Variants in SH3GL1 observed in about 807,000 individuals in gnomAD.
SH3GL1 encodes SH3 domain containing GRB2 like 1, endophilin A2.
A neutral mutation model predicts 48.8 loss-of-function variants in SH3GL1; 21 were observed. That is an observed-to-expected ratio of 0.43 (90% CI 0.30 to 0.62). The LOEUF (loss-of-function observed/expected upper bound fraction) is 0.62, where lower values mean the gene tolerates loss of function less well. Among genes scored for constraint, SH3GL1 ranks in the 20% least tolerant of loss-of-function variants. SH3GL1 has a pLI of 0.11. For missense variants in SH3GL1, 454 were observed against 503.0 expected, an observed-to-expected ratio of 0.90 and a Z score of 0.93; for synonymous variants, 282 against 217.5, an observed-to-expected ratio of 1.30 and a Z score of -2.61.
At position 4,376,895 on chromosome 19, in the gene SH3GL1, G is replaced by A. The variant is rs939861477; in HGVS notation, c.46-9901C>T. ...TTAGCGCCCTAGAATAAAGGACCCC[G>A]GGCAACCTCTTGGGGGTCCTCGCCA... is the stretch of plus-strand genomic sequence containing the variant. On this transcript the variant is annotated intron_variant, in intron 1 of 9. Coordinates refer to ENST00000269886, the MANE Select transcript of SH3GL1 (RefSeq NM_003025.4). This position sits in a 1 kb window ranked among gnomAD's most constrained non-coding sequence, Gnocchi z 4.3. Among the ~76,000 whole-genome samples, 8 of 152,276 alleles carry A rather than the reference G, an allele frequency of 5.3e-5. No individual in the cohort carries two copies. The highest frequency in any genetic ancestry group is 1.9e-4 in the African/African-American group (8 of 41,550).
chr19:4,365,348 T>C, intron 4 of SH3GL1, 134 bp downstream of exon 4: 1 of 1,231,366 alleles, frequency 8.1e-7, no homozygotes, highest in Non-Finnish European at 1.2e-6. Flanking sequence ...CTCCTGCACC[T>C]CTGCAGCTGG....
chr19:4,370,547 G>T (rs1972878247), intron 1 of SH3GL1, among the ~76,000 whole-genome samples: 1 of 152,190 alleles, frequency 6.6e-6, no homozygotes. Context: ...GGCCCCACCT[G>T]GACGGGGTCA....
At position 4,361,634 on chromosome 19, in the gene SH3GL1, C is replaced by T. The variant is rs1181319143; in HGVS notation, c.1073G>A (p.Ser358Asn). ...LDGQSGFFPL[S>N]YVEVLVPLPQ ...CAGGGGCACAAGCACCTCCACGTAG[C>T]TGAGCGGGAAGAAGCCCGACTGGCC... is the stretch of plus-strand genomic sequence containing the variant. Residue 358 changes from serine to asparagine, a missense_variant, in exon 10 of 10, where the codon AGC becomes AAC. By Grantham distance (46) the Ser-to-Asn change is conservative. Coordinates refer to ENST00000269886, the MANE Select transcript of SH3GL1 (RefSeq NM_003025.4). 6.2e-7 allele frequency: 1 copy of T among 1,607,658 alleles called. No individual in the cohort carries two copies. Among genetic ancestry groups the T allele is most frequent in the East Asian group, 2.2e-5 (1 of 44,858 alleles).
Position 4,376,634 on chromosome 19 carries a change from G to GC in SH3GL1, c.46-9641dup, listed in dbSNP as rs1051376342. 1.3e-5 allele frequency among the ~76,000 whole-genome samples: 2 copies of GC among 151,402 alleles called. No homozygotes were observed. Among genetic ancestry groups the GC allele is most frequent in the South Asian group, 2.1e-4 (1 of 4,764 alleles). On this transcript the variant is annotated intron_variant, in intron 1 of 9. Coordinates refer to ENST00000269886, the MANE Select transcript of SH3GL1 (RefSeq NM_003025.4). The surrounding 1 kb of genome is among the most constrained non-coding windows in gnomAD (Gnocchi z 4.3). ...TCTTACACCCCCATCTGCCTGGGCG[G>GC]CCCCCCCATCTCCCCTCAGAGCTTT...
At chr19:4,371,131 G>A (rs1972891918) in intron 1 of SH3GL1, among the ~76,000 whole-genome samples, 1 of 152,264 alleles carries the variant, frequency 6.6e-6, no homozygotes, top group African/African-American at 2.4e-5. Flanking sequence ...TGGGAGAAGG[G>A]GGCTATTCCT....
In SH3GL1 at chr19:4,376,381, G is replaced by A. The variant is rs1973009198; in HGVS notation, c.46-9387C>T. On this transcript the variant is annotated intron_variant, in intron 1 of 9. Transcript: ENST00000269886. The surrounding 1 kb of genome is among the most constrained non-coding windows in gnomAD (Gnocchi z 4.3). ...CTCTGCCCACCGTGCATTCTGTAGA[G>A]AACCTCAGCGCCCTCCTCCCTGCCG... Among the ~76,000 whole-genome samples, 1 of 152,108 alleles carries A rather than the reference G, an allele frequency of 6.6e-6. No individual in the cohort carries two copies. The highest frequency in any genetic ancestry group is 1.5e-5 in the Non-Finnish European group (1 of 68,020).
chr19:4,364,666 T>G (rs1972722010), intron 4 of SH3GL1: 1 of 164,304 alleles, frequency 6.1e-6, no homozygotes, highest in Non-Finnish European at 1.3e-5. Flanking sequence ...CCTGACCTTG[T>G]GATCCGCCCG....
At position 4,367,513 on chromosome 19, in the gene SH3GL1, C is replaced by T. The variant is rs1380261760; in HGVS notation, c.46-519G>A. On this transcript the variant is annotated intron_variant, in intron 1 of 9. Transcript: ENST00000269886. The surrounding 1 kb of genome is among the most constrained non-coding windows in gnomAD (Gnocchi z 4.2). ...TGCAGGCAGCCGGGCAGGGAGGCCG[C>T]CATTCTCCTGTGCTCTGGTGCCCGT... 2.0e-5 allele frequency among the ~76,000 whole-genome samples: 3 copies of T among 152,288 alleles called. No homozygotes were observed. The East Asian group carries it at 5.8e-4, about 29-fold the overall frequency.
intron 1 of SH3GL1, among the ~76,000 whole-genome samples, chr19:4,373,338 A>G (rs1240860951): frequency 2.6e-5 from 4 of 152,180 alleles, no homozygotes; most frequent in Admixed American, 2.6e-4. Flanking sequence ...GGCTCCCCTC[A>G]GCATCTGGGA....
Position 4,376,542 on chromosome 19 carries a change from TCTC to T in SH3GL1, c.46-9551_46-9549del, listed in dbSNP as rs1393858458. ...TCTCCTGATTGATCCCCATCACTGG[TCTC>T]CTCACCTTCTCCCAACACACCACTG... On this transcript the variant is annotated intron_variant, in intron 1 of 9. Transcript: ENST00000269886. This position sits in a 1 kb window ranked among gnomAD's most constrained non-coding sequence, Gnocchi z 4.3. Among the ~76,000 whole-genome samples the T allele has an allele frequency of 2.0e-5, 3 of 151,908 alleles. No homozygotes were observed. Among genetic ancestry groups the T allele is most frequent in the African/African-American group, 4.8e-5 (2 of 41,358 alleles).
At position 4,361,196 on chromosome 19, in the gene SH3GL1, G is replaced by A. The variant is rs1972598773; in HGVS notation, c.*404C>T. 1 of 297,132 alleles carries A rather than the reference G, an allele frequency of 3.4e-6. No individual in the cohort carries two copies. The highest frequency in any genetic ancestry group is 6.3e-6 in the Non-Finnish European group (1 of 157,552). 18.4% of individuals were successfully genotyped at this position (297,132 alleles called of 1,614,324 possible). ...CGATCCCATCCTGTTAAGGCTGCGGGACTCGAGGGTAGGCAGTGGGCCGGG... is the reference window on the plus strand; with the variant it reads ...CGATCCCATCCTGTTAAGGCTGCGGAACTCGAGGGTAGGCAGTGGGCCGGG... On this transcript the variant is annotated 3_prime_UTR_variant, in exon 10 of 10. Coordinates refer to ENST00000269886, the MANE Select transcript of SH3GL1 (RefSeq NM_003025.4).
At chr19:4,366,272 C>T (rs578250647) in intron 3 of SH3GL1, among the ~76,000 whole-genome samples, 7 of 152,246 alleles carry the variant, frequency 4.6e-5, no homozygotes, top group South Asian at 4.1e-4. Context: ...AAGGCTGGGA[C>T]GGCCCTGAGG....
chr19:4,367,046 G>A lies in SH3GL1; in HGVS notation c.46-52C>T, dbSNP rs777220950. On this transcript the variant is annotated intron_variant, in intron 1 of 9. Coordinates refer to ENST00000269886, the MANE Select transcript of SH3GL1 (RefSeq NM_003025.4). The surrounding 1 kb of genome is among the most constrained non-coding windows in gnomAD (Gnocchi z 4.2). ...GTGAGCCCAGGGGTAGGAGGAAGAA[G>A]AGGACAGGAGGCCCTGAGCCGCCTT... The A allele has an allele frequency of 5.2e-6, 8 of 1,547,210 alleles. No homozygotes were observed. The highest frequency in any genetic ancestry group is 7.1e-6 in the Non-Finnish European group (8 of 1,119,392).
Position 4,364,335 on chromosome 19 carries a change from T to A in SH3GL1, c.332-114A>T, listed in dbSNP as rs1218688518. 4.4e-6 allele frequency: 6 copies of A among 1,361,264 alleles called. No homozygotes were observed. In the East Asian group the frequency reaches 6.9e-5, roughly 16 times the overall value. The allele number at this position is 1,361,264 out of a possible 1,614,324, so 84.3% of individuals were successfully genotyped here. ...TTCACAGGCTGGAACGCAGTGGCGC[T>A]GTACCAGCTCACTGCAGGCCTCAAA... On this transcript the variant is annotated intron_variant, in intron 4 of 9. Coordinates refer to ENST00000269886, the MANE Select transcript of SH3GL1 (RefSeq NM_003025.4).
intron 1 of SH3GL1, among the ~76,000 whole-genome samples, chr19:4,393,817 T>A (rs1177818465): frequency 1.3e-5 from 2 of 151,546 alleles, no homozygotes; most frequent in African/African-American, 4.8e-5. Flanking sequence ...ATATTAAAAT[T>A]TAAAAATAAA....
intron 1 of SH3GL1, among the ~76,000 whole-genome samples, chr19:4,382,248 G>A (rs1170547430): frequency 7.3e-6 from 1 of 137,306 alleles, no homozygotes; most frequent in Non-Finnish European, 1.6e-5. Context: ...AAGGTGCTCC[G>A]CTTTCTTTTT....
chr19:4,371,621 C>T (rs1309607098), intron 1 of SH3GL1, among the ~76,000 whole-genome samples: 2 of 152,210 alleles, frequency 1.3e-5, no homozygotes, highest in Admixed American at 1.3e-4. Context: ...TGTGGCCCAG[C>T]CTGCAGGGAT....
At chr19:4,398,615 C>T (rs567774683) in intron 1 of SH3GL1, among the ~76,000 whole-genome samples, 6 of 152,096 alleles carry the variant, frequency 3.9e-5, no homozygotes, top group South Asian at 2.1e-4. Flanking sequence ...TCAAGTGATC[C>T]GCCCGCCTCG....
At chr19:4,384,668 A>G (rs1973201817) in intron 1 of SH3GL1, among the ~76,000 whole-genome samples, 2 of 152,204 alleles carry the variant, frequency 1.3e-5, no homozygotes, top group African/African-American at 4.8e-5. Flanking sequence ...GAAAATGCAG[A>G]AACTTGGAGA....
Sources: gnomAD v4.1 joint callset for allele counts (sites outside exome capture counted in the v4.1 genomes callset) on GRCh38, gnomAD v4.1.1 for gene constraint, Gnocchi (gnomAD v3.1) non-coding constraint, MANE v1.5 for transcripts, NCBI Gene and HGNC (gene_info 2026-07-23, HGNC 2026-07-21) for gene names.